The following GLIS3 variants were observed in gnomAD, a reference collection of about 807,000 sequenced individuals.
GLIS3 encodes GLIS family zinc finger 3, also known as zinc finger protein GLIS3.
A neutral mutation model predicts 78.6 loss-of-function variants in GLIS3; 53 were observed. The observed-to-expected ratio is 0.67, with a 90% CI of 0.54 to 0.85. The LOEUF is 0.85. GLIS3 is among the 40% of genes least tolerant of loss of function. The pLI, the probability that GLIS3 is intolerant of heterozygous loss-of-function variation, is 0.00. For synonymous variants in GLIS3, 684 were observed against 509.9 expected (o/e 1.34, Z -4.60); for missense variants, 1,703 against 1,231.1 (o/e 1.38, Z -5.74).
At chr9:4,003,686 C>T (rs1163395229) in intron 4 of GLIS3, among the ~76,000 whole-genome samples, 1 of 152,208 alleles carries the variant, frequency 6.6e-6, no homozygotes, top group Non-Finnish European at 1.5e-5. Flanking sequence ...AAAGAAGCTT[C>T]ATTCACTGGT....
chr9:4,470,386 C>T, the GLIS3 span, among the ~76,000 whole-genome samples: 1 of 152,192 alleles, frequency 6.6e-6, no homozygotes, highest in African/African-American at 2.4e-5. Context: ...TCCAGCAGCA[C>T]ATCAAAAAGC....
At chr9:4,030,023 C>T (rs1443713184) in intron 4 of GLIS3, among the ~76,000 whole-genome samples, 1 of 152,184 alleles carries the variant, frequency 6.6e-6, no homozygotes, top group Non-Finnish European at 1.5e-5. Context: ...AATCTCCAAA[C>T]TGTTCTCCAC....
At chr9:4,323,600 G>C (rs1301006658) in intron 2 of GLIS3, among the ~76,000 whole-genome samples, 1 of 152,106 alleles carries the variant, frequency 6.6e-6, no homozygotes, top group African/African-American at 2.4e-5. Context: ...TTCCTCAGGA[G>C]ATATTTTCTG....
intron 4 of GLIS3, among the ~76,000 whole-genome samples, chr9:4,058,632 C>T (rs938209491): frequency 1.3e-5 from 2 of 152,082 alleles, no homozygotes; most frequent in Non-Finnish European, 2.9e-5. Context: ...TGGCCAAGAG[C>T]GACATTTGCT....
chr9:4,432,881 G>C, the GLIS3 span, among the ~76,000 whole-genome samples: 2 of 151,814 alleles, frequency 1.3e-5, no homozygotes. Flanking sequence ...CTCCAGGTGA[G>C]CCACCCGCCT....
chr9:4,213,927 CAAA>C (rs56146504), intron 2 of GLIS3, among the ~76,000 whole-genome samples: 57 of 138,214 alleles, frequency 4.1e-4, no homozygotes, highest in Non-Finnish European at 4.8e-4. Flanking sequence ...AACACAGAAG[CAAA>C]AAAAAAAAAA....
chr9:4,444,487 A>G, the GLIS3 span, among the ~76,000 whole-genome samples: 1 of 152,204 alleles, frequency 6.6e-6, no homozygotes, highest in Admixed American at 6.5e-5. Flanking sequence ...TGTCTGTCCT[A>G]TGCGAATCAT....
chr9:4,123,381 C>G lies in GLIS3; in HGVS notation c.596+2353G>C, dbSNP rs145164807. On this transcript the variant is annotated intron_variant, in intron 3 of 10. Coordinates refer to ENST00000381971, the MANE Select transcript of GLIS3 (RefSeq NM_001042413.2). The stretch of plus-strand genomic sequence containing the variant: ...GTTTGAGAATATGTATAAAAAGCCT[C>G]AAAACTCTTTTAACACAACAAATTT... Among the ~76,000 whole-genome samples, 1,168 of 152,146 alleles carry G rather than the reference C, an allele frequency of 7.7e-3. 47 individuals carry two copies. Among genetic ancestry groups the G allele is most frequent in the Admixed American group, 0.066 (1,011 of 15,272 alleles).
intron 8 of GLIS3, among the ~76,000 whole-genome samples, chr9:3,877,269 A>G (rs982933665): frequency 3.3e-5 from 5 of 152,242 alleles, no homozygotes; most frequent in African/African-American, 1.2e-4. Flanking sequence ...ATCTTAATTT[A>G]TAGGAATATA....
chr9:4,439,827 C>T, the GLIS3 span, among the ~76,000 whole-genome samples: 6 of 152,252 alleles, frequency 3.9e-5, no homozygotes, highest in East Asian at 1.2e-3. Flanking sequence ...TACAGGAACA[C>T]CCTACCACAC....
At chr9:4,461,408 G>A in the GLIS3 span, among the ~76,000 whole-genome samples, 3 of 152,118 alleles carry the variant, frequency 2.0e-5, no homozygotes, top group Non-Finnish European at 4.4e-5. Flanking sequence ...AGAGTAAAAT[G>A]TTCTCATATT....
In GLIS3 at chr9:4,179,874, T is replaced by C. The variant is rs568937282; in HGVS notation, c.389-53933A>G. ...ACAGTGAGACAAGATCGTGCCACTGTACTCCAGCCTGGGTGAGAGAGCGAG... is the reference window on the plus strand; with the variant it reads ...ACAGTGAGACAAGATCGTGCCACTGCACTCCAGCCTGGGTGAGAGAGCGAG... On this transcript the variant is annotated intron_variant, in intron 2 of 10. Coordinates refer to ENST00000381971, the MANE Select transcript of GLIS3 (RefSeq NM_001042413.2). Among the ~76,000 whole-genome samples, 4 of 151,126 alleles carry C rather than the reference T, an allele frequency of 2.6e-5. No individual in the cohort carries two copies. The East Asian group carries it at 7.8e-4, about 29-fold the overall frequency.
At chr9:3,848,631 CTG>C (rs1334062211) in intron 9 of GLIS3, among the ~76,000 whole-genome samples, 2 of 152,252 alleles carry the variant, frequency 1.3e-5, no homozygotes, top group East Asian at 3.8e-4. Context: ...TGCACAATCA[CTG>C]TGAGTAAACA....
At chr9:4,468,972 C>G in the GLIS3 span, among the ~76,000 whole-genome samples, 1 of 151,992 alleles carries the variant, frequency 6.6e-6, no homozygotes, top group Non-Finnish European at 1.5e-5. Context: ...GCAAAAAACG[C>G]AGGATTTGCA....
At chr9:3,979,937 C>G (rs904165288) in intron 4 of GLIS3, among the ~76,000 whole-genome samples, 1 of 152,050 alleles carries the variant, frequency 6.6e-6, no homozygotes, top group Non-Finnish European at 1.5e-5. Context: ...AATGGGTCAA[C>G]GTAAGGAACG....
At chr9:3,852,971 G>C (rs893706655) in intron 9 of GLIS3, among the ~76,000 whole-genome samples, 2 of 152,186 alleles carry the variant, frequency 1.3e-5, no homozygotes, top group African/African-American at 4.8e-5. Flanking sequence ...CACTTTGAAA[G>C]GCTGAGGCAG....
intron 2 of GLIS3, among the ~76,000 whole-genome samples, chr9:4,312,206 G>A (rs866804015): frequency 2.0e-5 from 3 of 152,126 alleles, no homozygotes; most frequent in Non-Finnish European, 2.9e-5. Flanking sequence ...GGTGACTCAC[G>A]CCTGTAATCC....
rs374281554 is a variant in GLIS3 at position 3,825,575 on chromosome 9, A to C, written c.*2697T>G. The C allele has an allele frequency of 4.6e-5, 7 of 152,216 alleles. No individual in the cohort carries two copies. In the East Asian group the frequency reaches 1.3e-3, roughly 29 times the overall value. 9.4% of individuals were successfully genotyped at this position (152,216 alleles called of 1,614,324 possible). On this transcript the variant is annotated 3_prime_UTR_variant, in exon 11 of 11. Transcript: ENST00000381971. ...AATGGTTACATATCAAGACTTAAAA[A>C]GACCAGGACATGAAAGGGAATGATT...
chr9:3,930,763 C>G (rs374434873), intron 6 of GLIS3, among the ~76,000 whole-genome samples: 21 of 152,262 alleles, frequency 1.4e-4, no homozygotes, highest in African/African-American at 4.6e-4. Flanking sequence ...ACAATAAAAC[C>G]TTACACATTT....
Sources: allele counts gnomAD v4.1 joint callset (sites outside exome capture counted in the v4.1 genomes callset), GRCh38; gene constraint gnomAD v4.1.1; transcripts MANE v1.5; gene names NCBI Gene and HGNC (gene_info 2026-07-23, HGNC 2026-07-21).